Variants in ARHGAP6 observed in about 807,000 individuals in gnomAD.
The protein encoded by ARHGAP6 is Rho GTPase activating protein 6.
Under a neutral mutation model 55.7 loss-of-function variants are expected in ARHGAP6, and 16 were observed. The ratio of observed to expected loss-of-function variants is 0.29; its 90% CI spans 0.19 to 0.44. ARHGAP6 has a LOEUF of 0.44. ARHGAP6 is among the 20% of genes least tolerant of loss of function. The pLI is 1.00. For synonymous variants in ARHGAP6, 382 were observed against 360.9 expected (o/e 1.06, Z -0.66); for missense variants, 698 against 808.9 (o/e 0.86, Z 1.66).
At chrX:11,241,544 G>C (rs980136992) in intron 2 of ARHGAP6, among the ~76,000 whole-genome samples, 1 of 93,235 alleles carries the variant, frequency 1.1e-5, no homozygotes, top group Admixed American at 1.1e-4. Context: ...GTGTGTGTGT[G>C]TGTGTGTGTG....
chrX:11,362,207 T>G (rs986466506), intron 1 of ARHGAP6, among the ~76,000 whole-genome samples: 11 of 111,765 alleles, frequency 9.8e-5, no homozygotes, highest in Non-Finnish European at 1.9e-4. Context: ...CATGCACACG[T>G]ATGTTTATTG....
chrX:11,625,047 A>G (rs910897791), intron 1 of ARHGAP6, among the ~76,000 whole-genome samples: 1 of 112,216 alleles, frequency 8.9e-6, no homozygotes, highest in African/African-American at 3.2e-5. Flanking sequence ...CAATGCTAGT[A>G]TACTGTTGGT....
In ARHGAP6 at chrX:11,212,064, G is replaced by C. The variant is rs2046810395; in HGVS notation, c.749-15068C>G. On this transcript the variant is annotated intron_variant, in intron 2 of 12. Transcript: ENST00000337414. ...TACCTTGCCCAAAATTGCAGATGCA[G>C]TTGGCATCTGACACAGAATGTGTCT... 3.6e-5 allele frequency among the ~76,000 whole-genome samples: 4 copies of C among 111,469 alleles called. No homozygotes were observed. In the South Asian group the frequency reaches 1.5e-3, roughly 42 times the overall value.
At chrX:11,344,678 C>CAAAAAAAAAAAAAAAAA (rs34123570) in intron 1 of ARHGAP6, among the ~76,000 whole-genome samples, 4 of 28,271 alleles carry the variant, frequency 1.4e-4, no homozygotes, top group Non-Finnish European at 1.7e-4. Flanking sequence ...AACTCCATCA[C>CAAAAAAAAAAAAAAAAA]AAAAAAAAAA....
intron 1 of ARHGAP6, among the ~76,000 whole-genome samples, chrX:11,464,930 C>T (rs2050278817): frequency 8.9e-6 from 1 of 112,061 alleles, no homozygotes; most frequent in Non-Finnish European, 1.9e-5. Flanking sequence ...GAACCGGCTT[C>T]CAAGCCTAGA....
chrX:11,141,977 A>C (rs1219962586), intron 12 of ARHGAP6, among the ~76,000 whole-genome samples: 1 of 112,186 alleles, frequency 8.9e-6, no homozygotes, highest in Non-Finnish European at 1.9e-5. Flanking sequence ...GTAACTGGAA[A>C]ATGGAAGTTA....
chrX:11,413,892 C>G (rs904105250), intron 1 of ARHGAP6, among the ~76,000 whole-genome samples: 1 of 111,888 alleles, frequency 8.9e-6, no homozygotes, highest in Non-Finnish European at 1.9e-5. Context: ...TCTTCTTATT[C>G]AAGAGGAAGC....
At chrX:11,289,990 C>T (rs183665685) in intron 1 of ARHGAP6, among the ~76,000 whole-genome samples, 14 of 111,685 alleles carry the variant, frequency 1.3e-4, no homozygotes, top group African/African-American at 4.6e-4. Flanking sequence ...GTCTCAAAAA[C>T]AACAACAAAA....
chrX:11,225,897 A>G (rs190051426), intron 2 of ARHGAP6, among the ~76,000 whole-genome samples: 25 of 110,180 alleles, frequency 2.3e-4, no homozygotes, highest in Admixed American at 2.3e-3. Flanking sequence ...TGTTCCACAG[A>G]GCTTTACAGG....
Position 11,570,433 on chromosome X carries a change from T to C in ARHGAP6, c.588+93808A>G, listed in dbSNP as rs146118086. Among the ~76,000 whole-genome samples, 1,007 of 111,601 alleles carry C rather than the reference T, an allele frequency of 9.0e-3. 13 individuals are homozygous for C. The highest frequency in any genetic ancestry group is 0.031 in the African/African-American group (948 of 30,729). On this transcript the variant is annotated intron_variant, in intron 1 of 12. Transcript: ENST00000337414. ...AACCATCTAGGCTGAAGGTTGGAGA[T>C]AACAATAATAATAATAATGTGATGA... is the stretch of plus-strand genomic sequence containing the variant.
At chrX:11,301,727 G>A (rs769020499) in intron 1 of ARHGAP6, among the ~76,000 whole-genome samples, 15 of 112,090 alleles carry the variant, frequency 1.3e-4, no homozygotes, top group Non-Finnish European at 2.8e-4. Context: ...TCTAGGGCAA[G>A]GCACTATTCC....
At chrX:11,246,283 T>C (rs924510291) in intron 2 of ARHGAP6, among the ~76,000 whole-genome samples, 8 of 111,392 alleles carry the variant, frequency 7.2e-5, no homozygotes, top group African/African-American at 2.6e-4. Flanking sequence ...AAGCTCATTA[T>C]GGTTATTATT....
intron 1 of ARHGAP6, among the ~76,000 whole-genome samples, chrX:11,336,099 A>G (rs1266631959): frequency 8.9e-6 from 1 of 112,464 alleles, no homozygotes; most frequent in African/African-American, 3.2e-5. Flanking sequence ...AGCCTGCTAA[A>G]TAGTTCAACC....
chrX:11,468,864 T>C (rs1483813439), intron 1 of ARHGAP6, among the ~76,000 whole-genome samples: 1 of 112,567 alleles, frequency 8.9e-6, no homozygotes, highest in Non-Finnish European at 1.9e-5. Context: ...GCCTAATACC[T>C]AATGTGACAG....
At chrX:11,306,184 C>T (rs894121329) in intron 1 of ARHGAP6, among the ~76,000 whole-genome samples, 1 of 112,163 alleles carries the variant, frequency 8.9e-6, no homozygotes, top group African/African-American at 3.2e-5. Flanking sequence ...TGGGAGCAGC[C>T]ATCAATGACC....
intron 1 of ARHGAP6, among the ~76,000 whole-genome samples, chrX:11,407,836 G>A (rs1277582657): frequency 9.0e-6 from 1 of 111,412 alleles, no homozygotes; most frequent in East Asian, 2.8e-4. Flanking sequence ...GGGAGGAGGT[G>A]TGGGATGATA....
intron 1 of ARHGAP6, among the ~76,000 whole-genome samples, chrX:11,664,023 A>C (rs1453612296): frequency 8.9e-6 from 1 of 112,663 alleles, no homozygotes; most frequent in Admixed American, 9.3e-5. Flanking sequence ...GACTGCTCCA[A>C]AGTAGAGCCA....
intron 1 of ARHGAP6, among the ~76,000 whole-genome samples, chrX:11,492,792 T>C (rs1247693864): frequency 8.9e-6 from 1 of 112,465 alleles, no homozygotes; most frequent in Non-Finnish European, 1.9e-5. Context: ...TTGTATACAA[T>C]AGAATTGTAG....
intron 1 of ARHGAP6, among the ~76,000 whole-genome samples, chrX:11,493,003 A>C (rs2050586762): frequency 8.9e-6 from 1 of 112,000 alleles, no homozygotes; most frequent in African/African-American, 3.2e-5. Flanking sequence ...TGGCAAAGCC[A>C]GTGTCATCTT....
Sources: gnomAD v4.1 joint callset for allele counts (sites outside exome capture counted in the v4.1 genomes callset) on GRCh38, gnomAD v4.1.1 for gene constraint, MANE v1.5 for transcripts, NCBI Gene and HGNC (gene_info 2026-07-23, HGNC 2026-07-21) for gene names.